Variants in DOCK1 observed in about 807,000 individuals in gnomAD.
DOCK1 encodes dedicator of cytokinesis protein 1.
DOCK1 carries 138 observed loss-of-function variants against 262.7 expected under a neutral mutation model. That is an observed-to-expected ratio of 0.53 (90% CI 0.46 to 0.61). DOCK1 has a LOEUF of 0.61. DOCK1 is among the 20% of genes least tolerant of loss of function. The pLI is 0.00. For synonymous variants in DOCK1, 866 were observed against 867.4 expected, an observed-to-expected ratio of 1.00 and a Z score of 0.03; for missense variants, 1,908 against 2,370.7, an observed-to-expected ratio of 0.80 and a Z score of 4.05.
chr10:127,081,291 T>C (rs1242204099), intron 23 of DOCK1, among the ~76,000 whole-genome samples: 2 of 152,026 alleles, frequency 1.3e-5, no homozygotes, highest in African/African-American at 4.8e-5. Context: ...CTGTCCTCTG[T>C]GCCATTGAAC....
intron 29 of DOCK1, among the ~76,000 whole-genome samples, chr10:127,289,768 C>A (rs1455175291): frequency 6.6e-6 from 1 of 151,892 alleles, no homozygotes; most frequent in Non-Finnish European, 1.5e-5. Context: ...CAGACAGTAT[C>A]TCCGTTATCA....
At chr10:127,440,635 C>G (rs1019816490) in intron 49 of DOCK1, among the ~76,000 whole-genome samples, 13 of 152,188 alleles carry the variant, frequency 8.5e-5, no homozygotes, top group Non-Finnish European at 1.6e-4. Flanking sequence ...TACGTTTTAT[C>G]TATACTTCAT....
chr10:127,275,667 T>C (rs933377403), intron 29 of DOCK1, among the ~76,000 whole-genome samples: 3 of 151,996 alleles, frequency 2.0e-5, no homozygotes, highest in African/African-American at 4.8e-5. Flanking sequence ...AAAGGGATGG[T>C]ACAGGAGGGG....
chr10:127,207,641 G>A (rs2057784225), intron 27 of DOCK1, among the ~76,000 whole-genome samples: 1 of 152,204 alleles, frequency 6.6e-6, no homozygotes, highest in African/African-American at 2.4e-5. Flanking sequence ...GCTCATAGCA[G>A]GTGTTAAAAG....
In DOCK1 at chr10:126,942,469, G is replaced by C. The variant is rs1235446059; in HGVS notation, c.47-28233G>C. On this transcript the variant is annotated intron_variant, in intron 1 of 51. Transcript: ENST00000623213. ...TGGAAGCTGTGCACTGGATTCATTTGGGAGCAGGTTGGCAGGTAGAACAGT... is the reference window on the plus strand; with the variant it reads ...TGGAAGCTGTGCACTGGATTCATTTCGGAGCAGGTTGGCAGGTAGAACAGT... Among the ~76,000 whole-genome samples, 11 of 152,284 alleles carry C rather than the reference G, an allele frequency of 7.2e-5. No individual in the cohort carries two copies. The East Asian group carries it at 2.1e-3, about 29-fold the overall frequency.
In DOCK1 at chr10:126,939,061, G is replaced by C. The variant is rs1462548349; in HGVS notation, c.47-31641G>C. 3.6e-3 allele frequency among the ~76,000 whole-genome samples: 532 copies of C among 146,164 alleles called. 2 individuals carry two copies. Among genetic ancestry groups the C allele is most frequent in the African/African-American group, 9.6e-3 (381 of 39,806 alleles). On this transcript the variant is annotated intron_variant, in intron 1 of 51. Coordinates refer to ENST00000623213, the MANE Select transcript of DOCK1 (RefSeq NM_001290223.2). ...ACACGGTGGGGGGATGAACACCGGG[G>C]GGGGGACGAACACCGGAGGGGACGA...
intron 1 of DOCK1, among the ~76,000 whole-genome samples, chr10:126,915,407 T>G (rs927418210): frequency 7.1e-6 from 1 of 141,616 alleles, no homozygotes. Flanking sequence ...GCTTTCTCAA[T>G]GTGTCTTTTT....
At chr10:127,240,959 A>G (rs909288865) in intron 27 of DOCK1, among the ~76,000 whole-genome samples, 3 of 152,222 alleles carry the variant, frequency 2.0e-5, no homozygotes, top group Admixed American at 2.0e-4. Context: ...GAAAATCACT[A>G]AGCTGGGGGA....
chr10:126,917,510 C>T (rs1013602740), intron 1 of DOCK1, among the ~76,000 whole-genome samples: 1 of 152,148 alleles, frequency 6.6e-6, no homozygotes, highest in Non-Finnish European at 1.5e-5. Flanking sequence ...CCACTCCTGT[C>T]CAGCTGGGTG....
chr10:127,190,951 G>A (rs1328074174), intron 27 of DOCK1, among the ~76,000 whole-genome samples: 2 of 151,992 alleles, frequency 1.3e-5, no homozygotes, highest in South Asian at 2.1e-4. Flanking sequence ...GAGAATATAT[G>A]TTCTTGTTTC....
chr10:127,247,871 A>G, intron 27 of DOCK1, 137 bp from the exon 28 acceptor site: 1 of 742,292 alleles, frequency 1.3e-6, no homozygotes, highest in East Asian at 2.7e-5. Flanking sequence ...AGAGAGGGGC[A>G]GCAGAACCCA....
At chr10:127,091,487 A>C (rs751927239) in intron 23 of DOCK1, among the ~76,000 whole-genome samples, 4 of 152,172 alleles carry the variant, frequency 2.6e-5, no homozygotes, top group Non-Finnish European at 4.4e-5. Flanking sequence ...CTGTAGGTTG[A>C]ACACAGGTGC....
chr10:127,397,935 G>A (rs1053548110), intron 38 of DOCK1, among the ~76,000 whole-genome samples: 1 of 152,020 alleles, frequency 6.6e-6, no homozygotes, highest in East Asian at 1.9e-4. Flanking sequence ...ACAAATAGTG[G>A]CTCCTGGATG....
chr10:127,410,978 C>G (rs778850029), intron 43 of DOCK1, 54 bp downstream of exon 43: 11 of 1,554,118 alleles, frequency 7.1e-6, no homozygotes, highest in Non-Finnish European at 9.6e-6. Flanking sequence ...ATTCCGCCAC[C>G]AGTAGAACTG....
At chr10:126,997,956 G>T in intron 7 of DOCK1, 136 bp from the exon 8 acceptor site, 1 of 1,132,144 alleles carries the variant, frequency 8.8e-7, no homozygotes, top group East Asian at 2.6e-5. Context: ...GGGGAGATAA[G>T]AAAGTGACTG....
intron 27 of DOCK1, among the ~76,000 whole-genome samples, chr10:127,193,028 G>A (rs953952480): frequency 2.0e-5 from 3 of 152,106 alleles, no homozygotes; most frequent in East Asian, 1.9e-4. Flanking sequence ...TGAAAGTGTC[G>A]TCATGTAGTA....
At chr10:127,119,740 A>G (rs1163714596) in intron 25 of DOCK1, among the ~76,000 whole-genome samples, 1 of 152,236 alleles carries the variant, frequency 6.6e-6, no homozygotes, top group Non-Finnish European at 1.5e-5. Flanking sequence ...AATGTGACCA[A>G]ACTAAAAATT....
intron 38 of DOCK1, among the ~76,000 whole-genome samples, chr10:127,401,802 G>A (rs145561054): frequency 9.2e-5 from 14 of 152,292 alleles, no homozygotes; most frequent in East Asian, 3.9e-4. Context: ...CTCCTGCCCC[G>A]CTCATGCCTG....
At chr10:127,191,033 C>CT (rs1330150732) in intron 27 of DOCK1, among the ~76,000 whole-genome samples, 3 of 152,128 alleles carry the variant, frequency 2.0e-5, no homozygotes, top group African/African-American at 7.2e-5. Flanking sequence ...CCTCCACTCT[C>CT]TGATTCCAGC....
Sources: gnomAD v4.1 joint callset for allele counts (sites outside exome capture counted in the v4.1 genomes callset) on GRCh38, gnomAD v4.1.1 for gene constraint, MANE v1.5 for transcripts, NCBI Gene and HGNC (gene_info 2026-07-23, HGNC 2026-07-21) for gene names.